Variants in SRC observed in about 807,000 individuals in gnomAD.
SRC encodes proto-oncogene tyrosine-protein kinase Src.
In SRC, 13 loss-of-function variants were observed where a neutral mutation model predicts 62.9. That is an observed-to-expected ratio of 0.21 (90% CI 0.13 to 0.33). SRC has a LOEUF of 0.33. Among genes scored for constraint, SRC ranks in the 10% least tolerant of loss-of-function variants. The pLI is 1.00. For missense variants in SRC, 457 were observed against 737.3 expected, an observed-to-expected ratio of 0.62 and a Z score of 4.40; for synonymous variants, 302 against 317.5, an observed-to-expected ratio of 0.95 and a Z score of 0.52.
rs1397126729 is a variant in SRC, at chr20:37,400,133, C to T, written c.878C>T (p.Thr293Ile). 6.2e-7 allele frequency: 1 copy of T among 1,610,886 alleles called. No individual in the cohort carries two copies. The highest frequency in any genetic ancestry group is 8.5e-7 in the Non-Finnish European group (1 of 1,178,652). The change falls in exon 10 of 14, where the codon ACC (threonine) becomes ATC (isoleucine). Residue 293 changes from threonine to isoleucine, a missense_variant. By Grantham distance (89) the Thr-to-Ile change is moderately conservative (BLOSUM62 -1). Around this residue, in one of 4 missense-constraint regions of SRC, gnomAD observed 168 missense variants for 357.8 expected, o/e 0.47. Coordinates refer to ENST00000373578, the MANE Select transcript of SRC (RefSeq NM_198291.3). Reference protein sequence around the residue: ...EVWMGTWNGTTRVAIKTLKPG... With the variant: ...EVWMGTWNGTIRVAIKTLKPG... Reference sequence around the variant, plus strand: ...TCAACAGGGACCTGGAACGGTACCACCAGGGTGGCCATCAAAACCCTGAAG... The same window carrying T: ...TCAACAGGGACCTGGAACGGTACCATCAGGGTGGCCATCAAAACCCTGAAG...
chr20:37,403,447 GC>G lies in SRC; in HGVS notation c.*72del. ...CTGGGTGGCCCCTGTCTCGGGGCTTGCCCCACTCTGCCTGCCTGCTGTTGGT... is the reference window on the plus strand; with the variant it reads ...CTGGGTGGCCCCTGTCTCGGGGCTTGCCCACTCTGCCTGCCTGCTGTTGGT... On this transcript the variant is annotated 3_prime_UTR_variant, in exon 14 of 14. Transcript: ENST00000373578. This position sits in a 1 kb window ranked among gnomAD's most constrained non-coding sequence, Gnocchi z 7.1. 1 of 1,456,342 alleles carries G rather than the reference GC, an allele frequency of 6.9e-7. No homozygotes were observed. Among genetic ancestry groups the G allele is most frequent in the Non-Finnish European group, 9.2e-7 (1 of 1,085,130 alleles). The allele number at this position is 1,456,342 out of a possible 1,614,324, so 90.2% of individuals were successfully genotyped here. A position where few individuals can be genotyped will look rare whatever the true frequency, so the allele number is the denominator to read the frequency against.
In SRC at chr20:37,405,566, A is replaced by T. The variant is rs564863316; in HGVS notation, c.*2187A>T. The stretch of plus-strand genomic sequence containing the variant: ...AGGCAGGGGTGACATCAGATTGGAG[A>T]CAGCTACGGCAGAATGTGGCTGTTT... On this transcript the variant is annotated 3_prime_UTR_variant, in exon 14 of 14. Transcript: ENST00000373578. 1.4e-4 allele frequency: 24 copies of T among 176,266 alleles called. No individual in the cohort carries two copies. The highest frequency in any genetic ancestry group is 5.4e-4 in the African/African-American group (23 of 42,310). 10.9% of individuals were successfully genotyped at this position (176,266 alleles called of 1,614,324 possible).
At chr20:37,356,893 C>T (rs929158308) in intron 1 of SRC, among the ~76,000 whole-genome samples, 3 of 152,194 alleles carry the variant, frequency 2.0e-5, no homozygotes, top group Non-Finnish European at 4.4e-5. Context: ...TGCTGGCTGG[C>T]AGACCTTGGC....
At chr20:37,375,062 C>G (rs559586902) in intron 2 of SRC, among the ~76,000 whole-genome samples, 1 of 151,896 alleles carries the variant, frequency 6.6e-6, no homozygotes, top group South Asian at 2.1e-4. Context: ...TCTCGAGTAG[C>G]TGGGATTACA....
chr20:37,395,958 G>A (rs913036676), intron 7 of SRC, among the ~76,000 whole-genome samples: 1 of 152,246 alleles, frequency 6.6e-6, no homozygotes, highest in Non-Finnish European at 1.5e-5. Flanking sequence ...TGCGTGGCAG[G>A]ACGTACTAAT....
intron 2 of SRC, among the ~76,000 whole-genome samples, chr20:37,368,275 A>G (rs1451299443): frequency 6.6e-6 from 1 of 151,814 alleles, no homozygotes; most frequent in Non-Finnish European, 1.5e-5. Flanking sequence ...AAAATTAGCC[A>G]GGCGCACTGG....
intron 1 of SRC, among the ~76,000 whole-genome samples, chr20:37,347,993 G>T (rs916560565): frequency 2.6e-5 from 4 of 152,194 alleles, no homozygotes; most frequent in African/African-American, 9.6e-5. Flanking sequence ...TTTTGGTGAT[G>T]TGGTGATGTG....
chr20:37,357,217 C>T (rs1234748723), intron 1 of SRC, among the ~76,000 whole-genome samples: 1 of 152,204 alleles, frequency 6.6e-6, no homozygotes, highest in African/African-American at 2.4e-5. Context: ...CACTCAGTTC[C>T]CCTGGGGAGA....
chr20:37,353,686 G>T (rs759431627), intron 1 of SRC, among the ~76,000 whole-genome samples: 2 of 152,178 alleles, frequency 1.3e-5, no homozygotes, highest in Admixed American at 6.5e-5. Flanking sequence ...CAGGGGACTT[G>T]CCCAAGGTCA....
chr20:37,350,718 CCTGTTGGGGA>C (rs914055802), intron 1 of SRC, among the ~76,000 whole-genome samples: 1 of 152,174 alleles, frequency 6.6e-6, no homozygotes, highest in Admixed American at 6.5e-5. Flanking sequence ...CATTCTCCTC[CCTGTTGGGGA>C]CTCAGATATT....
rs994990278 is a variant in SRC, at chr20:37,405,024, G to T, written c.*1645G>T. On this transcript the variant is annotated 3_prime_UTR_variant, in exon 14 of 14. Transcript: ENST00000373578. ...AGCAATAACATTCCCACTGCCAGGG[G>T]TTCTTGAGCCAGCCAGGCCCTGCCA... The T allele has an allele frequency of 8.6e-6, 2 of 232,494 alleles. No individual in the cohort carries two copies. The highest frequency in any genetic ancestry group is 1.7e-5 in the Non-Finnish European group (2 of 117,914). The allele number at this position is 232,494 out of a possible 1,614,324, so 14.4% of individuals were successfully genotyped here.
At chr20:37,380,398 T>G (rs549141681) in intron 2 of SRC, among the ~76,000 whole-genome samples, 1 of 152,282 alleles carries the variant, frequency 6.6e-6, no homozygotes, top group Non-Finnish European at 1.5e-5. Flanking sequence ...CTCTGTGTCT[T>G]AATGTCCTCA....
intron 2 of SRC, among the ~76,000 whole-genome samples, chr20:37,371,970 G>T (rs1266196468): frequency 6.6e-6 from 1 of 152,038 alleles, no homozygotes; most frequent in South Asian, 2.1e-4. Context: ...CAAAGTGCTA[G>T]GATTACAAGT....
In SRC at chr20:37,400,185, C is replaced by T. The variant is rs758492932; in HGVS notation, c.930C>T (p.Phe310=). ...CTGGCACGATGTCTCCAGAGGCCTT[C>T]CTGCAGGAGGCCCAGGTCATGAAGA... ...LKPGTMSPEA[F]LQEAQVMKKL... is the part of the protein sequence containing the mutation. Residue 310 remains phenylalanine (F), a synonymous_variant, in exon 10 of 14, where the codon TTC becomes TTT. Transcript: ENST00000373578. 4.2e-5 allele frequency: 68 copies of T among 1,613,906 alleles called. No individual in the cohort carries two copies. The highest frequency in any genetic ancestry group is 5.3e-5 in the Non-Finnish European group (62 of 1,179,962).
At position 37,371,312 on chromosome 20, in the gene SRC, A is replaced by G. The variant is rs180806486; in HGVS notation, c.-173+6035A>G. ...CCCAGCCTATTTCTTCTTATTTTTG[A>G]TAATTTGTGTTTTTTTCCTAGGAAT... On this transcript the variant is annotated intron_variant, in intron 2 of 13. Transcript: ENST00000373578. 2.6e-5 allele frequency among the ~76,000 whole-genome samples: 4 copies of G among 152,016 alleles called. No individual in the cohort carries two copies. In the East Asian group the frequency reaches 7.7e-4, roughly 29 times the overall value.
chr20:37,354,072 G>T (rs929125085), intron 1 of SRC, among the ~76,000 whole-genome samples: 1 of 152,180 alleles, frequency 6.6e-6, no homozygotes, highest in African/African-American at 2.4e-5. Context: ...GTATTAACCT[G>T]GGGAAGAAGG....
At chr20:37,365,122 C>T (rs1275452742) in intron 1 of SRC, 82 bp from the exon 2 acceptor site, 1 of 152,122 alleles carries the variant, frequency 6.6e-6, no homozygotes, top group Admixed American at 6.6e-5. Flanking sequence ...CAGGGGGAGG[C>T]CCTGAGCTTG....
chr20:37,366,154 C>T (rs1568624112), intron 2 of SRC, among the ~76,000 whole-genome samples: 1 of 152,086 alleles, frequency 6.6e-6, no homozygotes, highest in Non-Finnish European at 1.5e-5. Context: ...TTTGTGTGTT[C>T]TTTTAGGATC....
intron 1 of SRC, among the ~76,000 whole-genome samples, chr20:37,352,058 GT>G (rs1259637777): frequency 1.3e-5 from 2 of 152,220 alleles, no homozygotes; most frequent in African/African-American, 2.4e-5. Context: ...GGTAATGGAA[GT>G]AGCAAAGCCT....
Sources: allele counts gnomAD v4.1 joint callset (sites outside exome capture counted in the v4.1 genomes callset), GRCh38; gene constraint gnomAD v4.1.1; regional missense constraint gnomAD v4.1.1; non-coding constraint Gnocchi (gnomAD v3.1); transcripts MANE v1.5; gene names NCBI Gene and HGNC (gene_info 2026-07-23, HGNC 2026-07-21).